AGRN: variants seen among roughly 807,000 people sequenced by gnomAD.
AGRN encodes agrin proteoglycan.
A neutral mutation model predicts 211.0 loss-of-function variants in AGRN; 106 were observed. The observed-to-expected ratio is 0.50, with a 90% confidence interval of 0.43 to 0.59. The LOEUF is 0.59. AGRN is among the 20% of genes least tolerant of loss of function. The pLI is 0.00. For missense variants in AGRN, 3,040 were observed against 2,982.6 expected (o/e 1.02, Z -0.45); for synonymous variants, 1,525 against 1,332.5 (o/e 1.14, Z -3.15).
rs752182278 is a variant in AGRN, at chr1:1,048,204, C to G, written c.3944C>G (p.Pro1315Arg). The G allele has an allele frequency of 6.4e-7, 1 of 1,560,558 alleles. No individual in the cohort carries two copies. Among genetic ancestry groups the G allele is most frequent in the Non-Finnish European group, 8.7e-7 (1 of 1,155,248 alleles). The change falls in exon 23 of 36, where the codon CCC (proline) becomes CGC (arginine). Residue 1315 changes from proline (P) to arginine (R), a missense_variant. Transcript: ENST00000379370. The surrounding 1 kb of genome is among the most constrained non-coding windows in gnomAD (Gnocchi z 5.9). Reference protein sequence around the residue: ...PTTRRPPTTAPSRVPGRRPPA... With the variant: ...PTTRRPPTTARSRVPGRRPPA... ...ACACGTCGGCCCCCCACCACTGCCC[C>G]CAGCCGTGTGCCCGGACGTCGGCCC...
Position 1,047,660 on chromosome 1 carries a change from G to C in AGRN, c.3604G>C (p.Ala1202Pro). Reference sequence around the variant, plus strand: ...CCTGGGGCCCGGCAAATCCGTCCGCGCCATTGTGGATGTGCACTTTGACCC... The same window carrying C: ...CCTGGGGCCCGGCAAATCCGTCCGCCCCATTGTGGATGTGCACTTTGACCC... ...RDLGPGKSVRAIVDVHFDPTT... is the reference protein window; with the variant it reads ...RDLGPGKSVRPIVDVHFDPTT... Residue 1202 changes from alanine (A) to proline (P), a missense_variant, in exon 21 of 36, where the codon GCC becomes CCC. By Grantham distance (27) the Ala-to-Pro change is conservative (BLOSUM62 -1). Transcript: ENST00000379370. The C allele has an allele frequency of 6.2e-7, 1 of 1,613,090 alleles. No homozygotes were observed. The highest frequency in any genetic ancestry group is 8.5e-7 in the Non-Finnish European group (1 of 1,180,018).
rs1424136150 is a variant in AGRN at position 1,050,427 on chromosome 1, G to A, written c.4977G>A (p.Gly1659=). 1.2e-6 allele frequency: 2 copies of A among 1,612,912 alleles called. No homozygotes were observed. The highest frequency in any genetic ancestry group is 1.1e-5 in the South Asian group (1 of 91,092). The change falls in exon 29 of 36, where the codon GGG becomes GGA. Residue 1659 remains glycine, a splice_region_variant and synonymous_variant. Transcript: ENST00000379370. The stretch of plus-strand genomic sequence containing the variant: ...ACACCCCGACTCCCCATGACCCCAG[G>A]GAGAAGATGGCGCTGGAGGTCGTGT... ...RGLHTFARDL[G]EKMALEVVFL...
rs758948924 is a variant in AGRN at position 1,041,244 on chromosome 1, A to G, written c.799A>G (p.Thr267Ala). 5.4e-6 allele frequency: 8 copies of G among 1,490,814 alleles called. No homozygotes were observed. Among genetic ancestry groups the G allele is most frequent in the Non-Finnish European group, 6.2e-6 (7 of 1,126,648 alleles). 92.3% of individuals were successfully genotyped at this position (1,490,814 alleles called of 1,614,324 possible). A position where few individuals can be genotyped will look rare whatever the true frequency, so the allele number is the denominator to read the frequency against. ...CTGTGCGCGCTCGGCCGACGGGCTG[A>G]CGGCCTCGTGCCTGTGCCCCGCGAC... ...STCARSADGL[T>A]ASCLCPATCR... is the part of the protein sequence containing the mutation. Residue 267 changes from threonine (T) to alanine (A), a missense_variant, in exon 5 of 36, where the codon ACG becomes GCG. Around this residue, in one of 3 missense-constraint regions of AGRN, gnomAD observed 1,498 missense variants for 1,457.8 expected, o/e 1.03. Coordinates refer to ENST00000379370, the MANE Select transcript of AGRN (RefSeq NM_198576.4).
chr1:1,028,331 C>CAA (rs1557686745), intron 2 of AGRN, among the ~76,000 whole-genome samples: 2 of 143,562 alleles, frequency 1.4e-5, no homozygotes, highest in South Asian at 2.4e-4. Flanking sequence ...CCCCCCCCCC[C>CAA]CCCCCGCCCT....
chr1:1,020,135 G>C lies in AGRN; in HGVS notation c.-38G>C. The C allele has an allele frequency of 1.8e-6, 2 of 1,084,410 alleles. No individual in the cohort carries two copies. Among genetic ancestry groups the C allele is most frequent in the South Asian group, 4.7e-5 (2 of 42,634 alleles). 67.2% of individuals were successfully genotyped at this position (1,084,410 alleles called of 1,614,324 possible). On this transcript the variant is annotated 5_prime_UTR_variant, in exon 1 of 36. Transcript: ENST00000379370. ...CGTCCTGTCCAGTCCCGTCCCCGGC[G>C]CGGCCCGCGCGCTCCTCCGCCGCCT...
rs760570648 is a variant in AGRN, at chr1:1,049,003, C to T, written c.4242C>T (p.Asn1414=). 75 of 1,580,264 alleles carry T rather than the reference C, an allele frequency of 4.7e-5. No homozygotes were observed. The highest frequency in any genetic ancestry group is 2.0e-4 in the South Asian group (17 of 86,538). Residue 1414 remains asparagine, a synonymous_variant, in exon 24 of 36, where the codon AAC becomes AAT. Coordinates refer to ENST00000379370, the MANE Select transcript of AGRN (RefSeq NM_198576.4). The part of the protein sequence containing the change: ...EPQGLLLYNG[N]ARGKDFLALA... ...AGGGGCTGCTGCTGTACAATGGCAA[C>T]GCCCGGGGCAAGGACTTCCTGGCAT...
rs780950307 is a variant in AGRN, at chr1:1,049,553, C to T, written c.4515-13C>T. The T allele has an allele frequency of 2.5e-6, 4 of 1,590,088 alleles. No homozygotes were observed. Among genetic ancestry groups the T allele is most frequent in the African/African-American group, 1.3e-5 (1 of 74,574 alleles). On this transcript the variant is annotated splice_polypyrimidine_tract_variant and intron_variant, in intron 25 of 35. Transcript: ENST00000379370. ...GCCCCTGAGCCCTGACCCGGTGTCC[C>T]TCCTGGTGGCAGGGCGCTGGAGCGG... is the stretch of plus-strand genomic sequence containing the variant.
rs907129983 is a variant in AGRN at position 1,044,148 on chromosome 1, G to T, written c.2039G>T (p.Gly680Val). 1 of 1,613,180 alleles carries T rather than the reference G, an allele frequency of 6.2e-7. No individual in the cohort carries two copies. The highest frequency in any genetic ancestry group is 8.5e-7 in the Non-Finnish European group (1 of 1,179,950). ...GSGGSGSGED[G>V]DCEQELCRQR... ...GGAGGCTCTGGCTCTGGGGAGGACG[G>T]TGACTGTGAGCAGGAGCTGTGCCGG... Residue 680 changes from glycine to valine, a missense_variant, in exon 11 of 36, where the codon GGT becomes GTT. By Grantham distance (109) the Gly-to-Val change is moderately radical. Around this residue, in one of 3 missense-constraint regions of AGRN, gnomAD observed 1,498 missense variants for 1,457.8 expected, o/e 1.03. Coordinates refer to ENST00000379370, the MANE Select transcript of AGRN (RefSeq NM_198576.4).
chr1:1,044,359 A>C lies in AGRN; in HGVS notation c.2174A>C (p.Tyr725Ser). The C allele has an allele frequency of 1.2e-6, 2 of 1,612,694 alleles. No homozygotes were observed. The highest frequency in any genetic ancestry group is 1.7e-6 in the Non-Finnish European group (2 of 1,179,812). ...GTGTGCGGCTCAGATGGGGTCACCT[A>C]CAGCACCGAGTGTGAGCTGAAGAAG... ...SPVCGSDGVT[Y>S]STECELKKAR... The change falls in exon 12 of 36, where the codon TAC becomes TCC. Residue 725 changes from tyrosine (Y) to serine (S), a missense_variant. Tyr to Ser is a moderately radical substitution (Grantham distance 144). Around this residue, in one of 3 missense-constraint regions of AGRN, gnomAD observed 1,498 missense variants for 1,457.8 expected, o/e 1.03. Coordinates refer to ENST00000379370, the MANE Select transcript of AGRN (RefSeq NM_198576.4).
rs1047222273 is a variant in AGRN, at chr1:1,031,440, C to T, written c.464-3837C>T. On this transcript the variant is annotated intron_variant, in intron 2 of 35. Coordinates refer to ENST00000379370, the MANE Select transcript of AGRN (RefSeq NM_198576.4). This position sits in a 1 kb window ranked among gnomAD's most constrained non-coding sequence, Gnocchi z 4.8. The stretch of plus-strand genomic sequence containing the variant: ...ATAGCTCATGTCGCCTGAGCTCCCT[C>T]CCTGGCTGGGCCTGGGGCCTCAATG... 4.6e-5 allele frequency among the ~76,000 whole-genome samples: 7 copies of T among 152,146 alleles called. No homozygotes were observed. The highest frequency in any genetic ancestry group is 2.1e-4 in the South Asian group (1 of 4,838).
In AGRN at chr1:1,042,066, G is replaced by A. The variant is rs1175834859; in HGVS notation, c.1288G>A (p.Ala430Thr). 3.1e-6 allele frequency: 5 copies of A among 1,607,126 alleles called. No individual in the cohort carries two copies. The highest frequency in any genetic ancestry group is 2.2e-5 in the South Asian group (2 of 91,048). Residue 430 changes from alanine to threonine, a missense_variant, in exon 7 of 36, where the codon GCC becomes ACC. Physicochemically the swap from Ala to Thr is moderately conservative, Grantham distance 58. Transcript: ENST00000379370. ...TGACGGGGCCTACAGGCCCGTGTGT[G>A]CCCAGGACGGGCGCACGTATGACAG... is the stretch of plus-strand genomic sequence containing the variant. Reference protein sequence around the residue: ...TCDGAYRPVCAQDGRTYDSDC... With the variant: ...TCDGAYRPVCTQDGRTYDSDC...
intron 3 of AGRN, 26 bp from the exon 4 acceptor site, chr1:1,040,639 T>C: frequency 6.5e-7 from 1 of 1,541,536 alleles, no homozygotes; most frequent in Non-Finnish European, 8.8e-7. Flanking sequence ...CTCGGCACCC[T>C]GAGCTTTCTC....
At chr1:1,037,604 G>A (rs1019582634) in intron 3 of AGRN, among the ~76,000 whole-genome samples, 5 of 152,236 alleles carry the variant, frequency 3.3e-5, no homozygotes, top group African/African-American at 4.8e-5. Flanking sequence ...CCGAGTGGCC[G>A]GGGAGGGGCT....
chr1:1,047,073 C>G, intron 19 of AGRN, 116 bp downstream of exon 19: 1 of 1,488,962 alleles, frequency 6.7e-7, no homozygotes, highest in Non-Finnish European at 9.0e-7. Context: ...GACTCGGCCC[C>G]CTCAAACATG....
Position 1,045,251 on chromosome 1 carries a change from G to C in AGRN, c.2345G>C (p.Arg782Pro). Reference sequence around the variant, plus strand: ...TGCCAGGACAATATCACCGCAGCCCGGGGCGTGGGCCTGGCTGGCTGCCCC... The same window carrying C: ...TGCCAGGACAATATCACCGCAGCCCCGGGCGTGGGCCTGGCTGGCTGCCCC... ...GCCQDNITAA[R>P]GVGLAGCPSA... The change falls in exon 13 of 36, where the codon CGG (arginine) becomes CCG (proline). Residue 782 changes from arginine (R) to proline (P), a missense_variant. This residue lies in a region of AGRN where 1,498 missense variants were observed against 1,457.8 expected (regional missense o/e 1.03). Transcript: ENST00000379370. 1.2e-6 allele frequency: 2 copies of C among 1,611,524 alleles called. No homozygotes were observed. The highest frequency in any genetic ancestry group is 1.1e-5 in the South Asian group (1 of 90,960).
rs148789015 is a variant in AGRN at position 1,050,276 on chromosome 1, C to T, written c.4923C>T (p.Asn1641=). 28 of 1,613,110 alleles carry T rather than the reference C, an allele frequency of 1.7e-5. No individual in the cohort carries two copies. In the East Asian group the frequency reaches 2.9e-4, roughly 17 times the overall value. The change falls in exon 28 of 36, where the codon AAC becomes AAT. Residue 1641 remains asparagine, a synonymous_variant. Coordinates refer to ENST00000379370, the MANE Select transcript of AGRN (RefSeq NM_198576.4). The part of the protein sequence containing the change: ...DGSGPFLADF[N]GFSHLELRGL... ...CTGGGCCCTTCCTGGCTGACTTCAA[C>T]GGCTTCTCCCACCTGGAGCTGAGAG... is the stretch of plus-strand genomic sequence containing the variant.
Position 1,055,350 on chromosome 1 carries a change from G to A in AGRN, c.*369G>A, listed in dbSNP as rs963274317. On this transcript the variant is annotated 3_prime_UTR_variant, in exon 36 of 36. Transcript: ENST00000379370. The stretch of plus-strand genomic sequence containing the variant: ...AGGAAGGGGCTGCTGAGGTCTGATG[G>A]GGCCCTTCCTCCGGGTGACCCCACA... 5.4e-6 allele frequency: 2 copies of A among 370,188 alleles called. No homozygotes were observed. Among genetic ancestry groups the A allele is most frequent in the Non-Finnish European group, 5.2e-6 (1 of 190,500 alleles). 22.9% of individuals were successfully genotyped at this position (370,188 alleles called of 1,614,324 possible).
At chr1:1,044,843 G>A (rs905077375) in intron 12 of AGRN, among the ~76,000 whole-genome samples, 7 of 152,246 alleles carry the variant, frequency 4.6e-5, no homozygotes, top group Non-Finnish European at 1.0e-4. Flanking sequence ...ATGTGGGTGA[G>A]AACGCATGCT....
Position 1,045,881 on chromosome 1 carries a change from G to T in AGRN, c.2680+5G>T. On this transcript the variant is annotated splice_donor_5th_base_variant and intron_variant, in intron 15 of 35. Transcript: ENST00000379370. ...GCCCCGCGGGCTGTGAAGCTGGTGAGTGAGGGCCAGCGCTACCCTGGGGCT... is the reference window on the plus strand; with the variant it reads ...GCCCCGCGGGCTGTGAAGCTGGTGATTGAGGGCCAGCGCTACCCTGGGGCT... The T allele has an allele frequency of 6.2e-7, 1 of 1,610,562 alleles. No homozygotes were observed. The highest frequency in any genetic ancestry group is 8.5e-7 in the Non-Finnish European group (1 of 1,179,888).
Sources: allele counts gnomAD v4.1 joint callset (sites outside exome capture counted in the v4.1 genomes callset), GRCh38; gene constraint gnomAD v4.1.1; regional missense constraint gnomAD v4.1.1; non-coding constraint Gnocchi (gnomAD v3.1); transcripts MANE v1.5; gene names NCBI Gene and HGNC (gene_info 2026-07-23, HGNC 2026-07-21).